PARD3: variants seen among roughly 807,000 people sequenced by gnomAD.
PARD3 encodes par-3 family cell polarity regulator.
A neutral mutation model predicts 155.4 loss-of-function variants in PARD3; 75 were observed. The ratio of observed to expected loss-of-function variants is 0.48; its 90% CI spans 0.40 to 0.58. The LOEUF is 0.58. Among genes scored for constraint, PARD3 ranks in the 20% least tolerant of loss-of-function variants. The pLI, the probability that PARD3 is intolerant of heterozygous loss-of-function variation, is 0.00. For synonymous variants in PARD3, 576 were observed against 610.5 expected, an observed-to-expected ratio of 0.94 and a Z score of 0.83; for missense variants, 1,642 against 1,721.7, an observed-to-expected ratio of 0.95 and a Z score of 0.82.
intron 2 of PARD3, among the ~76,000 whole-genome samples, chr10:34,543,427 A>C (rs1246282576): frequency 6.6e-6 from 1 of 152,208 alleles, no homozygotes; most frequent in African/African-American, 2.4e-5. Context: ...CCATGAAAAG[A>C]CAGAAATCTA....
At chr10:34,561,729 G>A (rs2134064535) in intron 2 of PARD3, among the ~76,000 whole-genome samples, 1 of 151,792 alleles carries the variant, frequency 6.6e-6, no homozygotes, top group South Asian at 2.1e-4. Flanking sequence ...CGTTGGTCAG[G>A]CTGGTCTCGA....
chr10:34,560,099 G>A (rs544010946), intron 2 of PARD3, among the ~76,000 whole-genome samples: 7 of 152,206 alleles, frequency 4.6e-5, no homozygotes, highest in Non-Finnish European at 7.4e-5. Context: ...GAAAATATTG[G>A]TAAATCTTTG....
intron 22 of PARD3, among the ~76,000 whole-genome samples, chr10:34,243,576 G>A (rs1026774545): frequency 1.1e-4 from 17 of 152,150 alleles, no homozygotes; most frequent in African/African-American, 3.6e-4. Flanking sequence ...GGTTGCTCAT[G>A]CCTGTAATCC....
chr10:34,405,451 A>G (rs1844360674), intron 5 of PARD3, among the ~76,000 whole-genome samples: 1 of 152,160 alleles, frequency 6.6e-6, no homozygotes, highest in Non-Finnish European at 1.5e-5. Flanking sequence ...CTGACACCTG[A>G]TATTTACTGT....
At position 34,798,345 on chromosome 10, in the gene PARD3, GAGA is replaced by G. The variant is rs908920067; in HGVS notation, c.120+16528_120+16530del. Among the ~76,000 whole-genome samples the G allele has an allele frequency of 6.0e-5, 9 of 151,130 alleles. No homozygotes were observed. In the South Asian group the frequency reaches 1.5e-3, roughly 25 times the overall value. On this transcript the variant is annotated intron_variant, in intron 1 of 24. Coordinates refer to ENST00000374788, the MANE Select transcript of PARD3 (RefSeq NM_001184785.2). ...TGCAAAACCCTGTCCCGTGAAGAAG[GAGA>G]AGGAGAAGGAGAAAGGAGAAGAAGA...
intron 1 of PARD3, among the ~76,000 whole-genome samples, chr10:34,725,442 A>C (rs978174831): frequency 6.6e-6 from 1 of 152,136 alleles, no homozygotes; most frequent in Non-Finnish European, 1.5e-5. Context: ...GGTGTGAGCC[A>C]CCACGCCCAG....
At chr10:34,441,473 AGGACACACTCATTGGAG>A (rs1476218216) in intron 5 of PARD3, among the ~76,000 whole-genome samples, 1 of 152,222 alleles carries the variant, frequency 6.6e-6, no homozygotes, top group African/African-American at 2.4e-5. Flanking sequence ...GGTCAGAAAC[AGGACACACTCATTGGAG>A]GGACAGGTTT....
intron 3 of PARD3, among the ~76,000 whole-genome samples, chr10:34,503,485 C>T (rs2133452541): frequency 6.6e-6 from 1 of 152,226 alleles, no homozygotes; most frequent in East Asian, 1.9e-4. Context: ...ATAATCCTTC[C>T]ATATATAACC....
intron 22 of PARD3, among the ~76,000 whole-genome samples, chr10:34,221,650 GTTA>G (rs1199928610): frequency 6.6e-6 from 1 of 152,120 alleles, no homozygotes; most frequent in Non-Finnish European, 1.5e-5. Flanking sequence ...TAACAAGTGT[GTTA>G]TATCTCTGTT....
At chr10:34,571,995 A>G (rs1438015952) in intron 2 of PARD3, among the ~76,000 whole-genome samples, 2 of 152,238 alleles carry the variant, frequency 1.3e-5, no homozygotes, top group African/African-American at 2.4e-5. Context: ...GCGTTACCCA[A>G]GCAACTAGAA....
At chr10:34,222,079 CT>C (rs1952326709) in intron 22 of PARD3, among the ~76,000 whole-genome samples, 1 of 152,142 alleles carries the variant, frequency 6.6e-6, no homozygotes, top group Non-Finnish European at 1.5e-5. Context: ...AAAATTCATG[CT>C]AATGATTTAA....
chr10:34,686,847 G>A (rs551426047), intron 2 of PARD3, among the ~76,000 whole-genome samples: 16 of 151,974 alleles, frequency 1.1e-4, no homozygotes, highest in Non-Finnish European at 1.3e-4. Context: ...TCAAGAGTTC[G>A]AGACCAGCTT....
chr10:34,375,215 G>A (rs1841106407), intron 10 of PARD3, among the ~76,000 whole-genome samples: 1 of 152,132 alleles, frequency 6.6e-6, no homozygotes. Context: ...ATCTAGAAGA[G>A]AGGAAGTGGT....
At chr10:34,148,348 CGTTTT>C (rs776322505) in intron 22 of PARD3, among the ~76,000 whole-genome samples, 36 of 152,134 alleles carry the variant, frequency 2.4e-4, no homozygotes, top group Non-Finnish European at 4.3e-4. Context: ...CCACAGATAC[CGTTTT>C]GTTTTGTCTT....
At chr10:34,220,519 T>A (rs573418739) in intron 22 of PARD3, among the ~76,000 whole-genome samples, 44 of 152,172 alleles carry the variant, frequency 2.9e-4, no homozygotes, top group Admixed American at 2.9e-3. Context: ...AGAGGGCTGG[T>A]GACTCTTGGC....
In PARD3 at chr10:34,111,158, T is replaced by G. The variant is rs760982142; in HGVS notation, c.*11A>C. ...TTATTGCGCGACATGAAGCATCCGT[T>G]ATTTGCGTGCTCAGGAATAGAAGGG... On this transcript the variant is annotated 3_prime_UTR_variant, in exon 25 of 25. Transcript: ENST00000374788. 1.3e-6 allele frequency: 2 copies of G among 1,531,670 alleles called. No individual in the cohort carries two copies. Among genetic ancestry groups the G allele is most frequent in the Non-Finnish European group, 1.8e-6 (2 of 1,140,110 alleles). 94.9% of individuals were successfully genotyped at this position (1,531,670 alleles called of 1,614,324 possible).
At chr10:34,594,830 A>T (rs1176652959) in intron 2 of PARD3, among the ~76,000 whole-genome samples, 1 of 152,170 alleles carries the variant, frequency 6.6e-6, no homozygotes, top group African/African-American at 2.4e-5. Flanking sequence ...CCTGTCTCAA[A>T]AAAATAAAAT....
At chr10:34,705,958 A>G (rs1035119085) in intron 1 of PARD3, among the ~76,000 whole-genome samples, 2 of 152,224 alleles carry the variant, frequency 1.3e-5, no homozygotes, top group African/African-American at 4.8e-5. Flanking sequence ...ACATTATTCA[A>G]TAATATGAGA....
intron 1 of PARD3, among the ~76,000 whole-genome samples, chr10:34,804,392 A>G (rs2134362520): frequency 6.6e-6 from 1 of 152,344 alleles, no homozygotes; most frequent in Middle Eastern, 3.4e-3. Flanking sequence ...ACAAAGTGGT[A>G]AAGGTACCAA....
Sources: allele counts gnomAD v4.1 joint callset (sites outside exome capture counted in the v4.1 genomes callset), GRCh38; gene constraint gnomAD v4.1.1; transcripts MANE v1.5; gene names NCBI Gene and HGNC (gene_info 2026-07-23, HGNC 2026-07-21).